Variants in MFHAS1 observed in about 807,000 individuals in gnomAD.
MFHAS1 encodes multifunctional ROCO family signaling regulator 1.
MFHAS1 carries 50 observed loss-of-function variants against 70.4 expected under a neutral mutation model. The observed-to-expected ratio is 0.71, with a 90% confidence interval of 0.57 to 0.90. MFHAS1 has a LOEUF of 0.90. Ranked by LOEUF, MFHAS1 falls within the 40% of genes least tolerant of loss-of-function variation. MFHAS1 has a pLI of 0.00. For missense variants in MFHAS1, 1,795 were observed against 1,347.6 expected, an observed-to-expected ratio of 1.33 and a Z score of -5.20; for synonymous variants, 952 against 620.0, an observed-to-expected ratio of 1.54 and a Z score of -7.96.
At chr8:8,863,839 T>G (rs1392078839) in intron 1 of MFHAS1, among the ~76,000 whole-genome samples, 1 of 152,184 alleles carries the variant, frequency 6.6e-6, no homozygotes, top group African/African-American at 2.4e-5. Flanking sequence ...AAAGTTGCAT[T>G]TGTTTTATCT....
At position 8,892,469 on chromosome 8, in the gene MFHAS1, G is replaced by A. The variant is rs777795458; in HGVS notation, c.590C>T (p.Pro197Leu). 4.4e-6 allele frequency: 7 copies of A among 1,608,614 alleles called. No individual in the cohort carries two copies. The highest frequency in any genetic ancestry group is 2.2e-5 in the South Asian group (2 of 90,400). ...GGCCACCAGCTGCAGCAGCTGCCGG[G>A]GGAAGGCAGTGAGCTGGTTGTGATC... Reference protein sequence around the residue: ...DVDHNQLTAFPRQLLQLVALE... With the variant: ...DVDHNQLTAFLRQLLQLVALE... The change falls in exon 1 of 3, where the codon CCC becomes CTC. Residue 197 changes from proline to leucine, a missense_variant. By Grantham distance (98) the Pro-to-Leu change is moderately conservative. Coordinates refer to ENST00000276282, the MANE Select transcript of MFHAS1 (RefSeq NM_004225.3). The surrounding 1 kb of genome is among the most constrained non-coding windows in gnomAD (Gnocchi z 4.7).
chr8:8,879,841 G>A (rs532764964), intron 1 of MFHAS1, among the ~76,000 whole-genome samples: 65 of 152,222 alleles, frequency 4.3e-4, no homozygotes, highest in Non-Finnish European at 7.6e-4. Flanking sequence ...AGTGATTGAC[G>A]ACACTTATCT....
chr8:8,890,680 C>A lies in MFHAS1; in HGVS notation c.2379G>T (p.Leu793=). 1 of 1,613,522 alleles carries A rather than the reference C, an allele frequency of 6.2e-7. No homozygotes were observed. Among genetic ancestry groups the A allele is most frequent in the Non-Finnish European group, 8.5e-7 (1 of 1,179,610 alleles). ...TQLHQYVEGF[L]LHGLLPAHVI... ...CATGAGCTGGCAAGAGCCCATGCAACAGAAAGCCCTCCACATACTGATGGA... is the reference window on the plus strand; with the variant it reads ...CATGAGCTGGCAAGAGCCCATGCAAAAGAAAGCCCTCCACATACTGATGGA... Residue 793 remains leucine (L), a synonymous_variant, in exon 1 of 3, where the codon CTG becomes CTT. Coordinates refer to ENST00000276282, the MANE Select transcript of MFHAS1 (RefSeq NM_004225.3).
Position 8,891,555 on chromosome 8 carries a change from C to T in MFHAS1, c.1504G>A (p.Val502Ile), listed in dbSNP as rs908398765. The T allele has an allele frequency of 8.1e-6, 13 of 1,613,048 alleles. No individual in the cohort carries two copies. The highest frequency in any genetic ancestry group is 1.1e-5 in the Non-Finnish European group (13 of 1,180,048). ...CGAGGCTCATAGGTGGCCAAGTTGA[C>T]CACCAGCACGTATAGGGCCCCTGGG... is the stretch of plus-strand genomic sequence containing the variant. ...LSPGALYVLVVNLATYEPRHF... is the reference protein window; with the variant it reads ...LSPGALYVLVINLATYEPRHF... Residue 502 changes from valine (V) to isoleucine (I), a missense_variant, in exon 1 of 3, where the codon GTC (valine) becomes ATC (isoleucine). Transcript: ENST00000276282. This position sits in a 1 kb window ranked among gnomAD's most constrained non-coding sequence, Gnocchi z 5.4.
chr8:8,827,428 G>A (rs893829528), intron 1 of MFHAS1, among the ~76,000 whole-genome samples: 1 of 152,172 alleles, frequency 6.6e-6, no homozygotes, highest in African/African-American at 2.4e-5. Context: ...AGCAAGGTGG[G>A]TATTATCAGA....
Position 8,891,952 on chromosome 8 carries a change from C to A in MFHAS1, c.1107G>T (p.Leu369Phe), listed in dbSNP as rs1381736819. 3.1e-6 allele frequency: 5 copies of A among 1,611,722 alleles called. No individual in the cohort carries two copies. The African/African-American group carries it at 5.3e-5, about 17-fold the overall frequency. The change falls in exon 1 of 3, where the codon TTG becomes TTT. Residue 369 changes from leucine (L) to phenylalanine (F), a missense_variant. Physicochemically the swap from Leu to Phe is conservative, Grantham distance 22. Transcript: ENST00000276282. The surrounding 1 kb of genome is among the most constrained non-coding windows in gnomAD (Gnocchi z 5.4). ...DHFGQLSRVG[L>F]WKIKDNPLIQ... ...TCAGTGGGTTGTCTTTGATCTTCCACAAACCCACCCGGGAGAGCTGGCCAA... is the reference window on the plus strand; with the variant it reads ...TCAGTGGGTTGTCTTTGATCTTCCAAAAACCCACCCGGGAGAGCTGGCCAA...
intron 1 of MFHAS1, among the ~76,000 whole-genome samples, chr8:8,797,713 G>A (rs1805957562): frequency 6.6e-6 from 1 of 152,140 alleles, no homozygotes; most frequent in Admixed American, 6.5e-5. Context: ...AATTTTCATG[G>A]TTATGGCAGG....
chr8:8,868,311 G>A (rs759717181), intron 1 of MFHAS1, among the ~76,000 whole-genome samples: 11 of 150,776 alleles, frequency 7.3e-5, no homozygotes, highest in African/African-American at 2.2e-4. Context: ...TGTATCTTTC[G>A]GCTAATAATA....
intron 1 of MFHAS1, among the ~76,000 whole-genome samples, chr8:8,880,316 C>G (rs922845728): frequency 6.6e-6 from 1 of 152,232 alleles, no homozygotes; most frequent in African/African-American, 2.4e-5. Flanking sequence ...TCCAAAGGTG[C>G]TTGGCTGAGA....
intron 1 of MFHAS1, among the ~76,000 whole-genome samples, chr8:8,831,616 ATT>A (rs373603367): frequency 1.5e-4 from 21 of 142,738 alleles, no homozygotes; most frequent in Non-Finnish European, 1.7e-4. Flanking sequence ...TAAATGGTCA[ATT>A]TTTTTTTTTT....
intron 1 of MFHAS1, among the ~76,000 whole-genome samples, chr8:8,854,148 G>C (rs1422708815): frequency 6.6e-6 from 1 of 152,140 alleles, no homozygotes; most frequent in Non-Finnish European, 1.5e-5. Flanking sequence ...TGTAATCCCA[G>C]CACTCTAGGA....
intron 2 of MFHAS1, among the ~76,000 whole-genome samples, chr8:8,789,245 C>T (rs1438062893): frequency 2.0e-5 from 3 of 152,126 alleles, no homozygotes; most frequent in Non-Finnish European, 2.9e-5. Flanking sequence ...TGGAGAATTA[C>T]TACATATAGG....
chr8:8,822,414 G>C (rs1014111506), intron 1 of MFHAS1, among the ~76,000 whole-genome samples: 3 of 151,492 alleles, frequency 2.0e-5, no homozygotes, highest in Admixed American at 1.3e-4. Context: ...TGGAGCGGGA[G>C]ACAGGGGACC....
At chr8:8,863,791 GA>G (rs1212926141) in intron 1 of MFHAS1, among the ~76,000 whole-genome samples, 1 of 152,062 alleles carries the variant, frequency 6.6e-6, no homozygotes, top group Non-Finnish European at 1.5e-5. Flanking sequence ...AGTTTCTAAT[GA>G]GCTTAGAAAT....
chr8:8,813,921 T>C (rs998799886), intron 1 of MFHAS1, among the ~76,000 whole-genome samples: 7 of 151,626 alleles, frequency 4.6e-5, no homozygotes, highest in Non-Finnish European at 8.8e-5. Flanking sequence ...CCTACACAGG[T>C]GTATACCACA....
intron 1 of MFHAS1, among the ~76,000 whole-genome samples, chr8:8,853,589 T>TG (rs1335212791): frequency 6.6e-6 from 1 of 151,406 alleles, no homozygotes; most frequent in East Asian, 1.9e-4. Flanking sequence ...ATATTTGAGA[T>TG]GGAGTCTTGT....
intron 1 of MFHAS1, among the ~76,000 whole-genome samples, chr8:8,856,947 G>A (rs1208663369): frequency 7.9e-6 from 1 of 126,510 alleles, no homozygotes; most frequent in East Asian, 2.5e-4. Context: ...TTTCAAACTG[G>A]CTCAAAACCT....
At chr8:8,800,174 G>C (rs769293192) in intron 1 of MFHAS1, among the ~76,000 whole-genome samples, 4 of 152,128 alleles carry the variant, frequency 2.6e-5, no homozygotes, top group Non-Finnish European at 5.9e-5. Context: ...TTCCTGACGT[G>C]TACATTTTTA....
intron 1 of MFHAS1, among the ~76,000 whole-genome samples, chr8:8,868,503 T>A (rs1808948004): frequency 6.6e-6 from 1 of 151,668 alleles, no homozygotes; most frequent in Admixed American, 6.6e-5. Flanking sequence ...TAGACAGATG[T>A]GCCCTTCCAA....
Sources: gnomAD v4.1 joint callset for allele counts (sites outside exome capture counted in the v4.1 genomes callset) on GRCh38, gnomAD v4.1.1 for gene constraint, Gnocchi (gnomAD v3.1) non-coding constraint, MANE v1.5 for transcripts, NCBI Gene and HGNC (gene_info 2026-07-23, HGNC 2026-07-21) for gene names.